The following PSPC1 variants were observed in gnomAD, a reference collection of about 807,000 sequenced individuals.
The protein encoded by PSPC1 is paraspeckle protein 1.
A neutral mutation model predicts 51.6 loss-of-function variants in PSPC1; 14 were observed. That is an observed-to-expected ratio of 0.27 (90% confidence interval 0.18 to 0.42). PSPC1 has a LOEUF of 0.42. Ranked by LOEUF, PSPC1 falls within the 10% of genes least tolerant of loss-of-function variation. The pLI is 1.00. For synonymous variants in PSPC1, 193 were observed against 231.9 expected, an observed-to-expected ratio of 0.83 and a Z score of 1.53; for missense variants, 406 against 701.1, an observed-to-expected ratio of 0.58 and a Z score of 4.75.
chr13:19,772,603 T>C, intron 1 of PSPC1, 60 bp from the exon 2 acceptor site: 1 of 1,502,934 alleles, frequency 6.7e-7, no homozygotes, highest in Non-Finnish European at 8.9e-7. Context: ...TTCAAAACAG[T>C]GTTTGGCTTC....
Position 19,765,325 on chromosome 13 carries a change from AAAT to A in PSPC1, c.675-5910_675-5908del, listed in dbSNP as rs1272556494. 5.1e-3 allele frequency among the ~76,000 whole-genome samples: 741 copies of A among 145,418 alleles called. 7 individuals carry two copies. Among genetic ancestry groups the A allele is most frequent in the African/African-American group, 0.015 (591 of 39,174 alleles). ...GTGACAGAATGAGAGCCCATCTCAA[AAAT>A]AATAATAATAATAATAATTATTATT... On this transcript the variant is annotated intron_variant, in intron 2 of 8. Coordinates refer to ENST00000338910, the MANE Select transcript of PSPC1 (RefSeq NM_001354909.2).
intron 6 of PSPC1, among the ~76,000 whole-genome samples, chr13:19,711,778 G>A (rs1271231024): frequency 6.6e-6 from 1 of 151,086 alleles, no homozygotes; most frequent in Non-Finnish European, 1.5e-5. Flanking sequence ...CAGGAGGCGG[G>A]GGTTGCAATG....
intron 4 of PSPC1, among the ~76,000 whole-genome samples, chr13:19,744,785 G>T (rs1313138888): frequency 1.3e-5 from 2 of 152,102 alleles, no homozygotes; most frequent in Non-Finnish European, 1.5e-5. Flanking sequence ...GGCTGGTCTT[G>T]AACTCGTAAC....
At chr13:19,717,786 G>A (rs1358764819) in intron 6 of PSPC1, among the ~76,000 whole-genome samples, 1 of 151,732 alleles carries the variant, frequency 6.6e-6, no homozygotes, top group Non-Finnish European at 1.5e-5. Flanking sequence ...GCTGAGACAG[G>A]AGAATCACTT....
At chr13:19,766,255 C>T (rs186530607) in intron 2 of PSPC1, among the ~76,000 whole-genome samples, 11 of 152,242 alleles carry the variant, frequency 7.2e-5, no homozygotes, top group African/African-American at 1.9e-4. Flanking sequence ...CATCTGTAAT[C>T]CCAGCTATTC....
intron 6 of PSPC1, among the ~76,000 whole-genome samples, 189 bp from the exon 7 acceptor site, chr13:19,709,788 A>C (rs1353314412): frequency 6.6e-6 from 1 of 151,952 alleles, no homozygotes; most frequent in African/African-American, 2.4e-5. Flanking sequence ...AATATACTAC[A>C]AATGCTTAAT....
chr13:19,757,132 A>G (rs866857145), intron 3 of PSPC1, among the ~76,000 whole-genome samples: 16 of 147,696 alleles, frequency 1.1e-4, no homozygotes, highest in Admixed American at 2.0e-4. Context: ...TCCGTCTCAA[A>G]AAAAAAAAAA....
At chr13:19,691,157 T>G (rs1034229993) in intron 6 of PSPC1, among the ~76,000 whole-genome samples, 1 of 152,240 alleles carries the variant, frequency 6.6e-6, no homozygotes, top group Non-Finnish European at 1.5e-5. Flanking sequence ...TTTTTCCTCC[T>G]GAAAATTTTC....
intron 4 of PSPC1, among the ~76,000 whole-genome samples, chr13:19,745,637 G>A (rs977543134): frequency 1.7e-5 from 1 of 57,626 alleles, no homozygotes; most frequent in African/African-American, 6.9e-5. Context: ...TTTTTTTTTT[G>A]AGATGGGAGT....
chr13:19,698,045 C>T (rs1378313498), downstream of PSPC1, among the ~76,000 whole-genome samples: 1 of 151,972 alleles, frequency 6.6e-6, no homozygotes, highest in Non-Finnish European at 1.5e-5. Context: ...TAAACAGTCA[C>T]AGAAGCCTGG....
At chr13:19,736,469 G>C (rs188018603) in intron 5 of PSPC1, among the ~76,000 whole-genome samples, 1 of 151,988 alleles carries the variant, frequency 6.6e-6, no homozygotes, top group East Asian at 1.9e-4. Flanking sequence ...GGATCACAAG[G>C]TCAGCAGATC....
intron 6 of PSPC1, among the ~76,000 whole-genome samples, chr13:19,715,941 G>A (rs1882039339): frequency 6.6e-6 from 1 of 152,092 alleles, no homozygotes; most frequent in African/African-American, 2.4e-5. Context: ...ATGAACCCGG[G>A]AGGCGGAGCT....
intron 6 of PSPC1, among the ~76,000 whole-genome samples, chr13:19,688,155 T>C (rs537608793): frequency 2.0e-5 from 3 of 152,292 alleles, no homozygotes; most frequent in South Asian, 2.1e-4. Context: ...GAGCATTCTA[T>C]GAAAATCCTT....
At chr13:19,755,378 G>A (rs1446769722) in intron 3 of PSPC1, among the ~76,000 whole-genome samples, 8 of 151,816 alleles carry the variant, frequency 5.3e-5, no homozygotes, top group African/African-American at 1.5e-4. Context: ...TCACAAGGTC[G>A]GGAGTTCGAG....
chr13:19,752,796 C>T (rs1250112183), intron 3 of PSPC1, among the ~76,000 whole-genome samples: 3 of 151,744 alleles, frequency 2.0e-5, no homozygotes, highest in African/African-American at 4.8e-5. Flanking sequence ...CTATGTTGGC[C>T]AGGCTGGTCT....
intron 1 of PSPC1, among the ~76,000 whole-genome samples, chr13:19,781,219 C>T (rs1173684707): frequency 2.0e-5 from 3 of 151,846 alleles, no homozygotes; most frequent in Non-Finnish European, 4.4e-5. Flanking sequence ...GCTCTGTCGC[C>T]CAGGCTGGAG....
intron 8 of PSPC1, among the ~76,000 whole-genome samples, chr13:19,704,226 T>C (rs995548455): frequency 3.1e-4 from 47 of 152,286 alleles, no homozygotes; most frequent in Non-Finnish European, 5.9e-5. Flanking sequence ...CTTTCAAACA[T>C]ATCACTATAA....
downstream of PSPC1, chr13:19,672,048 G>C (rs564311754): frequency 3.1e-6 from 2 of 640,748 alleles, no homozygotes; most frequent in African/African-American, 3.6e-5. Context: ...GTCTGTGCCA[G>C]TATGCCGGAA....
intron 1 of PSPC1, among the ~76,000 whole-genome samples, chr13:19,774,980 G>C (rs897413904): frequency 2.0e-5 from 3 of 151,850 alleles, no homozygotes; most frequent in Admixed American, 6.6e-5. Flanking sequence ...TTTAAGACCA[G>C]CCTAGGCAAC....
Sources: gnomAD v4.1 joint callset for allele counts (sites outside exome capture counted in the v4.1 genomes callset) on GRCh38, gnomAD v4.1.1 for gene constraint, MANE v1.5 for transcripts, NCBI Gene and HGNC (gene_info 2026-07-23, HGNC 2026-07-21) for gene names.